Variants in TTC23 observed in about 807,000 individuals in gnomAD.
The protein encoded by TTC23 is tetratricopeptide repeat domain 23, also known as tetratricopeptide repeat protein 23.
A neutral mutation model predicts 55.1 loss-of-function variants in TTC23; 58 were observed. The ratio of observed to expected loss-of-function variants is 1.05; its 90% confidence interval spans 0.85 to 1.31. The LOEUF is 1.31. Among genes scored for constraint, TTC23 ranks in the 50% most tolerant of loss-of-function variants. TTC23 has a pLI of 0.00. For missense variants in TTC23, 516 were observed against 534.4 expected, an observed-to-expected ratio of 0.97 and a Z score of 0.34; for synonymous variants, 203 against 199.9, an observed-to-expected ratio of 1.02 and a Z score of -0.13.
At chr15:99,198,790 TCAGA>T (rs1312768023) in intron 9 of TTC23, among the ~76,000 whole-genome samples, 1 of 152,192 alleles carries the variant, frequency 6.6e-6, no homozygotes, top group African/African-American at 2.4e-5. Context: ...GTATAAATTG[TCAGA>T]CAAATTAAAA....
chr15:99,193,031 T>A (rs1296224872), intron 9 of TTC23, among the ~76,000 whole-genome samples: 1 of 152,164 alleles, frequency 6.6e-6, no homozygotes, highest in Non-Finnish European at 1.5e-5. Context: ...AGCCCCTTTG[T>A]TTTGGCCAAT....
chr15:99,197,631 C>T (rs142869454), intron 9 of TTC23, among the ~76,000 whole-genome samples: 21 of 152,210 alleles, frequency 1.4e-4, no homozygotes, highest in East Asian at 1.9e-4. Context: ...GGAGGCCAGG[C>T]GCAGTAGCTC....
intron 9 of TTC23, among the ~76,000 whole-genome samples, chr15:99,181,148 C>T (rs1374929937): frequency 2.0e-5 from 3 of 152,248 alleles, no homozygotes; most frequent in Non-Finnish European, 4.4e-5. Context: ...AACAGAGACT[C>T]AGACTAAGGC....
intron 8 of TTC23, among the ~76,000 whole-genome samples, chr15:99,204,685 G>A (rs977017317): frequency 8.1e-6 from 1 of 123,138 alleles, no homozygotes; most frequent in Admixed American, 1.1e-4. Flanking sequence ...GCCCAGGCTG[G>A]AGTGCAGTGG....
At chr15:99,212,606 A>G (rs2152029101) in intron 8 of TTC23, among the ~76,000 whole-genome samples, 1 of 152,278 alleles carries the variant, frequency 6.6e-6, no homozygotes, top group South Asian at 2.1e-4. Context: ...CGCGGCACTT[A>G]TCTGTCAGCC....
chr15:99,214,507 C>CAAAAA (rs532096253), intron 8 of TTC23, among the ~76,000 whole-genome samples: 19 of 98,892 alleles, frequency 1.9e-4, no homozygotes, highest in African/African-American at 2.4e-4. Context: ...GACTGCATCT[C>CAAAAA]AAAAAAAAAA....
At chr15:99,226,780 T>C (rs1049000033) in intron 5 of TTC23, among the ~76,000 whole-genome samples, 34 of 152,132 alleles carry the variant, frequency 2.2e-4, no homozygotes, top group Non-Finnish European at 4.0e-4. Flanking sequence ...ATCTGTCACG[T>C]CTTCCTGGAG....
intron 9 of TTC23, among the ~76,000 whole-genome samples, chr15:99,184,517 T>C (rs180948642): frequency 2.6e-5 from 4 of 152,336 alleles, no homozygotes; most frequent in East Asian, 1.9e-4. Flanking sequence ...TACTACCTTA[T>C]TGGATTTTGG....
chr15:99,200,567 T>C (rs1023755677), intron 8 of TTC23, among the ~76,000 whole-genome samples: 1 of 152,204 alleles, frequency 6.6e-6, no homozygotes, highest in Admixed American at 6.5e-5. Context: ...TGAGAAATTT[T>C]AGAAATTTCC....
chr15:99,231,783 C>T (rs12440737), intron 4 of TTC23, among the ~76,000 whole-genome samples: 12,591 of 149,806 alleles, frequency 0.084, 794 homozygotes, highest in East Asian at 0.31. Context: ...TTAGCCACTG[C>T]GCCTGGCCTG....
intron 12 of TTC23, chr15:99,139,922 C>T: frequency 2.7e-6 from 1 of 376,342 alleles, no homozygotes; most frequent in Non-Finnish European, 4.8e-6. Flanking sequence ...CTTCTGCTTA[C>T]TTTAAGTCTT....
rs759044413 is a variant in TTC23, at chr15:99,161,830, AT to A, written c.902del (p.His301LeufsTer26). The A allele has an allele frequency of 6.2e-7, 1 of 1,613,226 alleles. No homozygotes were observed. Among genetic ancestry groups the A allele is most frequent in the Non-Finnish European group, 8.5e-7 (1 of 1,179,846 alleles). On this transcript the variant is annotated frameshift_variant, in exon 11 of 14. Transcript: ENST00000394132. LOFTEE classifies it high-confidence loss of function. Reference sequence around the variant, plus strand: ...TTCCCATCCCTTCAGAATCCTTAAGATGAGCCATGCTCTCTTGAAAATACTG... The same window carrying A: ...TTCCCATCCCTTCAGAATCCTTAAGAGAGCCATGCTCTCTTGAAAATACTG... ...AEQYFQESMAHLKDSEGMGRT... is the reference protein window; with the variant it reads ...AEQYFQESMAXLKDSEGMGRT...
chr15:99,201,859 C>A, intron 8 of TTC23, among the ~76,000 whole-genome samples: 1 of 152,056 alleles, frequency 6.6e-6, no homozygotes, highest in East Asian at 1.9e-4. Flanking sequence ...AGAGAAAACC[C>A]ATTAGAACCT....
At chr15:99,154,108 G>A (rs1331805633) in intron 12 of TTC23, among the ~76,000 whole-genome samples, 1 of 152,192 alleles carries the variant, frequency 6.6e-6, no homozygotes, top group Non-Finnish European at 1.5e-5. Flanking sequence ...CCCTACAAAA[G>A]AAGCAGCAGG....
Position 99,246,073 on chromosome 15 carries a change from A to C in TTC23, c.-430-563T>G, listed in dbSNP as rs898468092. ...GATCCACCCGACTTGGCCTCCCAAAATACTGGGATTACAGGTGTGAGTCAC... is the reference window on the plus strand; with the variant it reads ...GATCCACCCGACTTGGCCTCCCAAACTACTGGGATTACAGGTGTGAGTCAC... On this transcript the variant is annotated intron_variant, in intron 1 of 13. Transcript: ENST00000394132. Among the ~76,000 whole-genome samples, 15 of 152,210 alleles carry C rather than the reference A, an allele frequency of 9.9e-5. No homozygotes were observed. The East Asian group carries it at 2.5e-3, about 26-fold the overall frequency.
intron 8 of TTC23, among the ~76,000 whole-genome samples, chr15:99,213,537 C>T (rs1034389434): frequency 2.0e-5 from 3 of 152,178 alleles, no homozygotes; most frequent in African/African-American, 7.2e-5. Context: ...TATCTTGGAG[C>T]TCTGAATTGT....
At chr15:99,212,260 A>ATGTG (rs35709919) in intron 8 of TTC23, among the ~76,000 whole-genome samples, 4,050 of 146,590 alleles carry the variant, frequency 0.028, 63 homozygotes, top group Non-Finnish European at 0.038. Flanking sequence ...TTAAAGAGGG[A>ATGTG]TGTGTGTGTG....
At chr15:99,199,297 G>C (rs886295507) in intron 9 of TTC23, among the ~76,000 whole-genome samples, 1 of 151,472 alleles carries the variant, frequency 6.6e-6, no homozygotes, top group Non-Finnish European at 1.5e-5. Flanking sequence ...GCCGGACCTG[G>C]TGGCTCATGC....
intron 10 of TTC23, 104 bp downstream of exon 10, chr15:99,174,946 C>A (rs1369368418): frequency 3.6e-6 from 3 of 831,428 alleles, no homozygotes; most frequent in African/African-American, 3.4e-5. Context: ...GGCTCTGTGG[C>A]GGGCCTGTGT....
Sources: gnomAD v4.1 joint callset for allele counts (sites outside exome capture counted in the v4.1 genomes callset) on GRCh38, gnomAD v4.1.1 for gene constraint, MANE v1.5 for transcripts, NCBI Gene and HGNC (gene_info 2026-07-23, HGNC 2026-07-21) for gene names.